YAP1: variants seen among roughly 807,000 people sequenced by gnomAD.
The protein encoded by YAP1 is Yes1 associated transcriptional regulator, also known as transcriptional coactivator YAP1.
YAP1 carries 5 observed loss-of-function variants against 56.9 expected under a neutral mutation model. The observed-to-expected ratio is 0.09, with a 90% CI of 0.05 to 0.18. The LOEUF is 0.18. Ranked by LOEUF, YAP1 falls within the 10% of genes least tolerant of loss-of-function variation. The pLI is 1.00. For synonymous variants in YAP1, 265 were observed against 248.1 expected, an observed-to-expected ratio of 1.07 and a Z score of -0.64; for missense variants, 539 against 651.8, an observed-to-expected ratio of 0.83 and a Z score of 1.88.
At chr11:102,127,625 G>A (rs1944112094) in intron 2 of YAP1, among the ~76,000 whole-genome samples, 1 of 152,222 alleles carries the variant, frequency 6.6e-6, no homozygotes, top group South Asian at 2.1e-4. Flanking sequence ...GGGAACTGTG[G>A]GGTTGGAGCC....
At chr11:102,152,666 C>T (rs1945724917) in intron 2 of YAP1, among the ~76,000 whole-genome samples, 1 of 152,066 alleles carries the variant, frequency 6.6e-6, no homozygotes, top group Admixed American at 6.6e-5. Context: ...TGCTTAATCA[C>T]CAAATGAAGC....
chr11:102,147,449 C>A (rs902417396), intron 2 of YAP1, among the ~76,000 whole-genome samples: 3 of 152,152 alleles, frequency 2.0e-5, no homozygotes, highest in African/African-American at 7.2e-5. Flanking sequence ...CTTTTGAAAT[C>A]ATTAAATTTA....
intron 3 of YAP1, among the ~76,000 whole-genome samples, chr11:102,179,017 G>A (rs1416311665): frequency 6.6e-6 from 1 of 152,100 alleles, no homozygotes; most frequent in Non-Finnish European, 1.5e-5. Context: ...CCAAGGGGAT[G>A]GTGCGAAGCC....
At chr11:102,196,020 GT>G (rs1047335767) in intron 4 of YAP1, among the ~76,000 whole-genome samples, 5 of 152,026 alleles carry the variant, frequency 3.3e-5, no homozygotes, top group African/African-American at 1.2e-4. Context: ...GATGGCTAAA[GT>G]TTTTTTTGAA....
intron 4 of YAP1, among the ~76,000 whole-genome samples, chr11:102,193,306 T>C (rs1948393811): frequency 6.6e-6 from 1 of 152,104 alleles, no homozygotes; most frequent in South Asian, 2.1e-4. Flanking sequence ...AGTTCCACAC[T>C]TGAGCTCTGC....
chr11:102,217,664 G>A (rs1280395177), intron 6 of YAP1, among the ~76,000 whole-genome samples: 1 of 152,112 alleles, frequency 6.6e-6, no homozygotes, highest in African/African-American at 2.4e-5. Context: ...GGGGAGGTGA[G>A]AAGTAGTGGG....
intron 4 of YAP1, among the ~76,000 whole-genome samples, chr11:102,199,194 T>C (rs750115553): frequency 2.0e-5 from 3 of 152,186 alleles, no homozygotes; most frequent in Non-Finnish European, 4.4e-5. Flanking sequence ...GTCCTCATAA[T>C]AACTCAAATG....
At chr11:102,174,933 A>G (rs1184528992) in intron 3 of YAP1, among the ~76,000 whole-genome samples, 2 of 152,140 alleles carry the variant, frequency 1.3e-5, no homozygotes, top group African/African-American at 2.4e-5. Flanking sequence ...CTTCATATGT[A>G]TGGTCCACAG....
At chr11:102,160,242 T>TG (rs1946189198) in intron 2 of YAP1, among the ~76,000 whole-genome samples, 1 of 151,978 alleles carries the variant, frequency 6.6e-6, no homozygotes, top group Non-Finnish European at 1.5e-5. Context: ...AGGCTGGTCT[T>TG]GAACTCCCAA....
intron 3 of YAP1, among the ~76,000 whole-genome samples, chr11:102,170,440 T>A (rs1946838224): frequency 6.6e-6 from 1 of 152,182 alleles, no homozygotes; most frequent in African/African-American, 2.4e-5. Context: ...TACTGTGTTT[T>A]GTATGCTTAG....
chr11:102,143,594 C>G (rs1472392591), intron 2 of YAP1, among the ~76,000 whole-genome samples: 1 of 152,132 alleles, frequency 6.6e-6, no homozygotes, highest in Non-Finnish European at 1.5e-5. Context: ...ATGTGTGATA[C>G]TACTACTACA....
intron 8 of YAP1, among the ~76,000 whole-genome samples, chr11:102,228,634 CAAAA>C (rs71059544): frequency 1.6e-3 from 52 of 31,646 alleles, no homozygotes; most frequent in Non-Finnish European, 2.6e-3. Context: ...GACTCCGTCT[CAAAA>C]AAAAAAAAAA....
At chr11:102,137,275 C>CA (rs1307153244) in intron 2 of YAP1, among the ~76,000 whole-genome samples, 2 of 152,140 alleles carry the variant, frequency 1.3e-5, no homozygotes, top group Non-Finnish European at 2.9e-5. Flanking sequence ...ACCTACTAAG[C>CA]AGAGTTACTA....
chr11:102,181,638 G>T (rs1947631940), intron 3 of YAP1, among the ~76,000 whole-genome samples: 1 of 152,066 alleles, frequency 6.6e-6, no homozygotes, highest in Non-Finnish European at 1.5e-5. Context: ...TGCCCTTGTG[G>T]TGCCTGTTTT....
intron 3 of YAP1, among the ~76,000 whole-genome samples, chr11:102,172,996 A>G (rs149933977): frequency 1.3e-5 from 2 of 152,290 alleles, no homozygotes; most frequent in African/African-American, 4.8e-5. Flanking sequence ...GCTGCATTAC[A>G]GTGGTGCTTG....
At chr11:102,123,620 C>T (rs538720680) in intron 2 of YAP1, among the ~76,000 whole-genome samples, 1 of 149,308 alleles carries the variant, frequency 6.7e-6, no homozygotes, top group South Asian at 2.1e-4. Context: ...TGGCATTACT[C>T]CGTTTTCTTT....
chr11:102,131,818 C>T (rs928259826), intron 2 of YAP1, among the ~76,000 whole-genome samples: 4 of 152,170 alleles, frequency 2.6e-5, no homozygotes, highest in Non-Finnish European at 4.4e-5. Flanking sequence ...TATAAAGTGA[C>T]AGTAGTTCAC....
intron 2 of YAP1, among the ~76,000 whole-genome samples, chr11:102,145,228 C>G (rs915270101): frequency 2.6e-5 from 4 of 152,184 alleles, no homozygotes; most frequent in African/African-American, 9.7e-5. Flanking sequence ...AATAGAAGTG[C>G]TCTGCCTAAT....
At chr11:102,127,496 A>G (rs556730447) in intron 2 of YAP1, among the ~76,000 whole-genome samples, 1 of 131,324 alleles carries the variant, frequency 7.6e-6, no homozygotes, top group African/African-American at 3.2e-5. Context: ...GAAGTCAAGA[A>G]TTCAGGTTTG....
Sources: gnomAD v4.1 joint callset for allele counts (sites outside exome capture counted in the v4.1 genomes callset) on GRCh38, gnomAD v4.1.1 for gene constraint, MANE v1.5 for transcripts, NCBI Gene and HGNC (gene_info 2026-07-23, HGNC 2026-07-21) for gene names.